Variants in ZNFX1 observed in about 807,000 individuals in gnomAD.
ZNFX1 encodes zinc finger NFX1-type containing 1, also known as NFX1-type zinc finger-containing protein 1.
A neutral mutation model predicts 179.8 loss-of-function variants in ZNFX1; 78 were observed. The observed-to-expected ratio is 0.43, with a 90% confidence interval of 0.36 to 0.52. The LOEUF (loss-of-function observed/expected upper bound fraction) is 0.52, where lower values mean the gene tolerates loss of function less well. ZNFX1 is among the 20% of genes least tolerant of loss of function. ZNFX1 has a pLI of 0.00. For synonymous variants in ZNFX1, 848 were observed against 868.5 expected (o/e 0.98, Z 0.42); for missense variants, 1,927 against 2,386.6 (o/e 0.81, Z 4.01).
Position 49,249,541 on chromosome 20 carries a change from G to C in ZNFX1, c.3483C>G (p.Thr1161=). 1 of 1,614,218 alleles carries C rather than the reference G, an allele frequency of 6.2e-7. No individual in the cohort carries two copies. Among genetic ancestry groups the C allele is most frequent in the Non-Finnish European group, 8.5e-7 (1 of 1,180,040 alleles). The stretch of plus-strand genomic sequence containing the variant: ...GTTTGCGCAGGCAGAAGAGCTGCCC[G>C]GTATAGGTAGTGAGGATGGTGATCT... ...PSQITILTTY[T]GQLFCLRKLM... The change falls in exon 14 of 14, where the codon ACC becomes ACG. Residue 1161 remains threonine (T), a synonymous_variant. Coordinates refer to ENST00000396105, the MANE Select transcript of ZNFX1 (RefSeq NM_021035.3).
Position 49,247,031 on chromosome 20 carries a change from GC to G in ZNFX1, c.*235del, listed in dbSNP as rs1980692643. On this transcript the variant is annotated 3_prime_UTR_variant, in exon 14 of 14. Transcript: ENST00000396105. ...TTACAGGCGCCCGCCATAACGCCCAGCTAATTTTTGTATTTTTAGTAGAGAC... is the reference window on the plus strand; with the variant it reads ...TTACAGGCGCCCGCCATAACGCCCAGTAATTTTTGTATTTTTAGTAGAGAC... The G allele has an allele frequency of 9.9e-6, 5 of 504,186 alleles. No homozygotes were observed. The highest frequency in any genetic ancestry group is 1.8e-5 in the Non-Finnish European group (5 of 281,474). The allele number at this position is 504,186 out of a possible 1,614,324, so 31.2% of individuals were successfully genotyped here.
rs1482701517 is a variant in ZNFX1 at position 49,247,176 on chromosome 20, T to G, written c.*91A>C. ...GCCACTGCGCCCAGCCTAAAAAGGA[T>G]GATAATAAAAAACAAACTTCAGTTC... On this transcript the variant is annotated 3_prime_UTR_variant, in exon 14 of 14. Transcript: ENST00000396105. 1.3e-6 allele frequency: 2 copies of G among 1,501,714 alleles called. No individual in the cohort carries two copies. Among genetic ancestry groups the G allele is most frequent in the African/African-American group, 2.8e-5 (2 of 71,490 alleles). 93.0% of individuals were successfully genotyped at this position (1,501,714 alleles called of 1,614,324 possible).
chr20:49,246,475 G>A lies in ZNFX1; in HGVS notation c.*792C>T, dbSNP rs906952634. ...CTCCTGGAGGCAGGGTGCCCAAGGA[G>A]GGCAGGGAGGGGTTCTTGTGCTCCT... On this transcript the variant is annotated 3_prime_UTR_variant, in exon 14 of 14. Coordinates refer to ENST00000396105, the MANE Select transcript of ZNFX1 (RefSeq NM_021035.3). 1 of 163,822 alleles carries A rather than the reference G, an allele frequency of 6.1e-6. No homozygotes were observed. The highest frequency in any genetic ancestry group is 1.3e-5 in the Non-Finnish European group (1 of 75,384). The allele number at this position is 163,822 out of a possible 1,614,324, so 10.1% of individuals were successfully genotyped here.
At chr20:49,267,931 T>C (rs983006208) in intron 3 of ZNFX1, among the ~76,000 whole-genome samples, 1 of 151,812 alleles carries the variant, frequency 6.6e-6, no homozygotes, top group African/African-American at 2.4e-5. Flanking sequence ...TAGAGTGCAG[T>C]GGAGCGATCT....
chr20:49,248,179 T>A lies in ZNFX1; in HGVS notation c.4845A>T (p.Arg1615Ser). Reference sequence around the variant, plus strand: ...CCTGGCAGATAGGGCAGACTTTCAATCTGATGGCGACTTCATCATCCTTCT... The same window carrying A: ...CCTGGCAGATAGGGCAGACTTTCAAACTGATGGCGACTTCATCATCCTTCT... The part of the protein sequence containing the change: ...NEQKDDEVAI[R>S]LKVCPICQVP... The change falls in exon 14 of 14, where the codon AGA (arginine) becomes AGT (serine). Residue 1615 changes from arginine (R) to serine (S), a missense_variant. Coordinates refer to ENST00000396105, the MANE Select transcript of ZNFX1 (RefSeq NM_021035.3). The surrounding 1 kb of genome is among the most constrained non-coding windows in gnomAD (Gnocchi z 4.6). 1 of 1,614,178 alleles carries A rather than the reference T, an allele frequency of 6.2e-7. No homozygotes were observed. Among genetic ancestry groups the A allele is most frequent in the Non-Finnish European group, 8.5e-7 (1 of 1,180,034 alleles).
chr20:49,266,968 C>A (rs1981249128), intron 3 of ZNFX1, among the ~76,000 whole-genome samples: 1 of 152,140 alleles, frequency 6.6e-6, no homozygotes, highest in South Asian at 2.1e-4. Context: ...GTGATCTTGG[C>A]TCACCGCAAC....
At position 49,247,058 on chromosome 20, in the gene ZNFX1, G is replaced by C. The variant is rs913527324; in HGVS notation, c.*209C>G. On this transcript the variant is annotated 3_prime_UTR_variant, in exon 14 of 14. Coordinates refer to ENST00000396105, the MANE Select transcript of ZNFX1 (RefSeq NM_021035.3). ...TAATTTTTGTATTTTTAGTAGAGACGGGGTTTCGCCATGTTGGTCAGGCTG... is the reference window on the plus strand; with the variant it reads ...TAATTTTTGTATTTTTAGTAGAGACCGGGTTTCGCCATGTTGGTCAGGCTG... 7 of 583,896 alleles carry C rather than the reference G, an allele frequency of 1.2e-5. No individual in the cohort carries two copies. Among genetic ancestry groups the C allele is most frequent in the African/African-American group, 1.9e-5 (1 of 53,276 alleles). 36.2% of individuals were successfully genotyped at this position (583,896 alleles called of 1,614,324 possible).
chr20:49,248,037 G>T lies in ZNFX1; in HGVS notation c.4987C>A (p.Arg1663=). 1 of 1,614,170 alleles carries T rather than the reference G, an allele frequency of 6.2e-7. No homozygotes were observed. Among genetic ancestry groups the T allele is most frequent in the Non-Finnish European group, 8.5e-7 (1 of 1,180,044 alleles). ...SAGEIATSQE[R]LKALLERKSL... ...TTCCTCTCCAGCAGGGCCTTAAGCC[G>T]TTCCTGGCTGGTTGCTATTTCCCCT... is the stretch of plus-strand genomic sequence containing the variant. Residue 1663 remains arginine, a synonymous_variant, in exon 14 of 14, where the codon CGG becomes AGG. Coordinates refer to ENST00000396105, the MANE Select transcript of ZNFX1 (RefSeq NM_021035.3). The surrounding 1 kb of genome is among the most constrained non-coding windows in gnomAD (Gnocchi z 4.6).
intron 5 of ZNFX1, among the ~76,000 whole-genome samples, chr20:49,263,783 C>G (rs567472040): frequency 6.6e-6 from 1 of 152,204 alleles, no homozygotes; most frequent in Non-Finnish European, 1.5e-5. Context: ...AACACTGTCT[C>G]TACTAAAAAT....
In ZNFX1 at chr20:49,266,199, G is replaced by T. The variant is rs1338876093; in HGVS notation, c.1938C>A (p.Ser646Arg). ...LLTNESVWQI[S>R]LQKFPILVVC... ...CAACCAAGATGGGGAACTTCTGGAG[G>T]CTAATTTGCCAAACAGACTCGTTGG... Residue 646 changes from serine (S) to arginine (R), a missense_variant, in exon 4 of 14, where the codon AGC becomes AGA. Coordinates refer to ENST00000396105, the MANE Select transcript of ZNFX1 (RefSeq NM_021035.3). 3.1e-6 allele frequency: 5 copies of T among 1,613,028 alleles called. No individual in the cohort carries two copies. The African/African-American group carries it at 6.7e-5, about 22-fold the overall frequency.
chr20:49,266,985 C>G (rs1404047986), intron 3 of ZNFX1, among the ~76,000 whole-genome samples: 1 of 152,182 alleles, frequency 6.6e-6, no homozygotes, highest in Non-Finnish European at 1.5e-5. Flanking sequence ...CAACCTCTGC[C>G]TCCCGGGTTC....
chr20:49,247,409 C>T lies in ZNFX1; in HGVS notation c.5615G>A (p.Cys1872Tyr), dbSNP rs1980705286. The change falls in exon 14 of 14, where the codon TGT (cysteine) becomes TAT (tyrosine). Residue 1872 changes from cysteine (C) to tyrosine (Y), a missense_variant. By Grantham distance (194) the Cys-to-Tyr change is radical. Coordinates refer to ENST00000396105, the MANE Select transcript of ZNFX1 (RefSeq NM_021035.3). ...GAMERGTCPDCKEVIGGTNHT... is the reference protein window; with the variant it reads ...GAMERGTCPDYKEVIGGTNHT... ...ATTTGTGCCACCAATCACTTCCTTA[C>T]AGTCAGGACACGTGCCCCTCTCCAT... 2 of 1,614,196 alleles carry T rather than the reference C, an allele frequency of 1.2e-6. No individual in the cohort carries two copies. Among genetic ancestry groups the T allele is most frequent in the Non-Finnish European group, 8.5e-7 (1 of 1,180,038 alleles).
intron 6 of ZNFX1, among the ~76,000 whole-genome samples, chr20:49,262,321 G>A (rs898833712): frequency 6.0e-5 from 9 of 150,606 alleles, no homozygotes; most frequent in East Asian, 5.9e-4. Flanking sequence ...TAAGAGAATC[G>A]CTTGAACCCG....
chr20:49,256,672 A>G (rs1322557013), intron 8 of ZNFX1, among the ~76,000 whole-genome samples: 1 of 152,190 alleles, frequency 6.6e-6, no homozygotes, highest in East Asian at 1.9e-4. Context: ...GCCTCCTGGG[A>G]GAGATGCTGA....
In ZNFX1 at chr20:49,272,210, CTCTG is replaced by C. The variant is rs1386938192; in HGVS notation, c.62-464_62-461del. On this transcript the variant is annotated intron_variant, in intron 2 of 13. Coordinates refer to ENST00000396105, the MANE Select transcript of ZNFX1 (RefSeq NM_021035.3). ...TTTTTTTTTTTGAGATGGAATCTTG[CTCTG>C]TCTCCCAGGCTGGAGTGCAGTGGTG... Among the ~76,000 whole-genome samples the C allele has an allele frequency of 2.1e-5, 3 of 144,420 alleles. No homozygotes were observed. In the East Asian group the frequency reaches 6.1e-4, roughly 30 times the overall value. The allele number at this position is 144,420 out of a possible 152,430, so 94.7% of individuals were successfully genotyped here. A position where few individuals can be genotyped will look rare whatever the true frequency, so the allele number is the denominator to read the frequency against.
chr20:49,271,754 A>C lies in ZNFX1; in HGVS notation c.62-4T>G. The C allele has an allele frequency of 6.3e-7, 1 of 1,597,322 alleles. No individual in the cohort carries two copies. The highest frequency in any genetic ancestry group is 1.1e-5 in the South Asian group (1 of 90,326). The stretch of plus-strand genomic sequence containing the variant: ...GGTAACTCTCCATCCACAGGGCCTA[A>C]ACACAATGAAATATTGAGTAACCAC... On this transcript the variant is annotated splice_polypyrimidine_tract_variant and splice_region_variant and intron_variant, in intron 2 of 13. Transcript: ENST00000396105.
Position 49,256,037 on chromosome 20 carries a change from AG to A in ZNFX1, c.2665-91del, listed in dbSNP as rs1467936853. 2.1e-6 allele frequency: 3 copies of A among 1,461,790 alleles called. No homozygotes were observed. In the South Asian group the frequency reaches 3.9e-5, roughly 19 times the overall value. 90.6% of individuals were successfully genotyped at this position (1,461,790 alleles called of 1,614,324 possible). ...GCAGGGGTCACAGCACGTAAGAAAA[AG>A]GGCTGGCATCACTGATTAATGTCAA... On this transcript the variant is annotated intron_variant, in intron 8 of 13. Coordinates refer to ENST00000396105, the MANE Select transcript of ZNFX1 (RefSeq NM_021035.3).
chr20:49,258,098 A>AT lies in ZNFX1; in HGVS notation c.2417-435dup, dbSNP rs10648506. On this transcript the variant is annotated intron_variant, in intron 7 of 13. Transcript: ENST00000396105. Reference sequence around the variant, plus strand: ...GAAGACATTATCAAGGGTTTATGTGATTTTTTTTTTTTTTTTGAGACGGAG... The same window carrying AT: ...GAAGACATTATCAAGGGTTTATGTGATTTTTTTTTTTTTTTTTGAGACGGAG... 3.8e-3 allele frequency among the ~76,000 whole-genome samples: 523 copies of AT among 138,728 alleles called. 7 individuals are homozygous for AT. The highest frequency in any genetic ancestry group is 4.6e-3 in the Non-Finnish European group (297 of 64,856). The allele number at this position is 138,728 out of a possible 152,430, so 91.0% of individuals were successfully genotyped here. A position where few individuals can be genotyped will look rare whatever the true frequency, so the allele number is the denominator to read the frequency against.
chr20:49,266,184 G>A lies in ZNFX1; in HGVS notation c.1953C>T (p.Pro651=), dbSNP rs867460763. Residue 651 remains proline (P), a synonymous_variant, in exon 4 of 14, where the codon CCC becomes CCT. Transcript: ENST00000396105. ...SVWQISLQKF[P]ILVVCYTNHA... ...GATTAGTATAACACACAACCAAGAT[G>A]GGGAACTTCTGGAGGCTAATTTGCC... 15 of 1,613,030 alleles carry A rather than the reference G, an allele frequency of 9.3e-6. No homozygotes were observed. Among genetic ancestry groups the A allele is most frequent in the Non-Finnish European group, 1.2e-5 (14 of 1,179,620 alleles).
Sources: allele counts gnomAD v4.1 joint callset (sites outside exome capture counted in the v4.1 genomes callset), GRCh38; gene constraint gnomAD v4.1.1; non-coding constraint Gnocchi (gnomAD v3.1); transcripts MANE v1.5; gene names NCBI Gene and HGNC (gene_info 2026-07-23, HGNC 2026-07-21).